The following STXBP5L variants were observed in gnomAD, a reference collection of about 807,000 sequenced individuals.
The protein encoded by STXBP5L is syntaxin binding protein 5L.
STXBP5L carries 65 observed loss-of-function variants against 144.5 expected under a neutral mutation model. The observed-to-expected ratio is 0.45, with a 90% CI of 0.37 to 0.55. The LOEUF (loss-of-function observed/expected upper bound fraction) is 0.55, where lower values mean the gene tolerates loss of function less well. Ranked by LOEUF, STXBP5L falls within the 20% of genes least tolerant of loss-of-function variation. The pLI is 0.00. For missense variants in STXBP5L, 1,298 were observed against 1,405.5 expected, an observed-to-expected ratio of 0.92 and a Z score of 1.22; for synonymous variants, 505 against 469.6, an observed-to-expected ratio of 1.08 and a Z score of -0.97.
chr3:121,314,751 T>C (rs964015765), intron 19 of STXBP5L, among the ~76,000 whole-genome samples: 38 of 152,222 alleles, frequency 2.5e-4, no homozygotes, highest in African/African-American at 9.1e-4. Flanking sequence ...AAAGGGCTAA[T>C]ATCCAGAATC....
At chr3:120,967,506 TG>T (rs1939741456) in intron 3 of STXBP5L, among the ~76,000 whole-genome samples, 1 of 152,236 alleles carries the variant, frequency 6.6e-6, no homozygotes, top group Non-Finnish European at 1.5e-5. Flanking sequence ...GTCTCTCTTT[TG>T]TTCTTACTCT....
intron 9 of STXBP5L, among the ~76,000 whole-genome samples, chr3:121,184,967 T>G (rs910136219): frequency 2.6e-5 from 4 of 152,134 alleles, no homozygotes; most frequent in African/African-American, 9.7e-5. Flanking sequence ...GCCAAATAGT[T>G]TCATAAGCAA....
intron 5 of STXBP5L, among the ~76,000 whole-genome samples, chr3:121,068,033 C>A (rs147100132): frequency 1.3e-5 from 2 of 152,152 alleles, no homozygotes; most frequent in Non-Finnish European, 2.9e-5. Flanking sequence ...TTTTTTGAGA[C>A]GGAGTCTCAC....
At chr3:121,023,159 A>AG (rs1945685309) in intron 3 of STXBP5L, among the ~76,000 whole-genome samples, 1 of 152,094 alleles carries the variant, frequency 6.6e-6, no homozygotes, top group Non-Finnish European at 1.5e-5. Flanking sequence ...TAGTTGCAAA[A>AG]AAAAAAATAC....
At chr3:120,984,632 C>CTTTTTTTTTTTTTTTTTTTTTTTTTCT (rs35656223) in intron 3 of STXBP5L, among the ~76,000 whole-genome samples, 2 of 71,960 alleles carry the variant, frequency 2.8e-5, no homozygotes, top group Non-Finnish European at 4.9e-5. Flanking sequence ...TCTTTCTTTC[C>CTTTTTTTTTTTTTTTTTTTTTTTTTCT]TTTTTTTTTT....
intron 22 of STXBP5L, among the ~76,000 whole-genome samples, chr3:121,397,197 G>A (rs942384009): frequency 5.9e-5 from 9 of 152,214 alleles, no homozygotes; most frequent in Non-Finnish European, 1.5e-5. Context: ...GCTCAGCTAA[G>A]GGGATAGTAA....
In STXBP5L at chr3:121,423,588, C is replaced by A. The variant is rs2047399165; in HGVS notation, c.*4491C>A. On this transcript the variant is annotated 3_prime_UTR_variant, in exon 27 of 27. Coordinates refer to ENST00000471454, the MANE Select transcript of STXBP5L (RefSeq NM_001308330.2). ...TTTATCTAGAGGAGTGATTCTCAAC[C>A]TTGACTGTACATAAGAATCACCTCA... 1 of 152,172 alleles carries A rather than the reference C, an allele frequency of 6.6e-6. No homozygotes were observed. The allele number at this position is 152,172 out of a possible 1,614,324, so 9.4% of individuals were successfully genotyped here. A position where few individuals can be genotyped will look rare whatever the true frequency, so the allele number is the denominator to read the frequency against.
At chr3:121,047,266 T>C (rs1342234556) in intron 5 of STXBP5L, among the ~76,000 whole-genome samples, 2 of 152,144 alleles carry the variant, frequency 1.3e-5, no homozygotes, top group African/African-American at 4.8e-5. Context: ...TTGTTTTATG[T>C]CCAATTGTGT....
chr3:121,383,771 A>T (rs974534110), intron 22 of STXBP5L, among the ~76,000 whole-genome samples: 20 of 152,076 alleles, frequency 1.3e-4, no homozygotes, highest in Non-Finnish European at 2.8e-4. Flanking sequence ...TTATTGACTA[A>T]CTGTCCCGGT....
chr3:120,991,750 G>A (rs530762135), intron 3 of STXBP5L, among the ~76,000 whole-genome samples: 9 of 145,332 alleles, frequency 6.2e-5, no homozygotes, highest in African/African-American at 2.2e-4. Context: ...TCATAGGTGG[G>A]AATTGAACAA....
chr3:121,050,454 T>G (rs1947880624), intron 5 of STXBP5L, among the ~76,000 whole-genome samples: 1 of 152,128 alleles, frequency 6.6e-6, no homozygotes, highest in African/African-American at 2.4e-5. Context: ...AAAAGAATTT[T>G]CAACCCAGAA....
intron 3 of STXBP5L, among the ~76,000 whole-genome samples, chr3:121,006,839 G>A (rs1456293318): frequency 6.6e-6 from 1 of 152,114 alleles, no homozygotes; most frequent in African/African-American, 2.4e-5. Context: ...GAAATTCTGG[G>A]TTGAAAATTA....
At chr3:121,037,020 G>T (rs985005885) in intron 3 of STXBP5L, among the ~76,000 whole-genome samples, 2 of 151,862 alleles carry the variant, frequency 1.3e-5, no homozygotes, top group Non-Finnish European at 2.9e-5. Context: ...TCAAACTCCT[G>T]GGCTCAGGCA....
chr3:121,350,467 G>T (rs1284979458), intron 20 of STXBP5L, among the ~76,000 whole-genome samples: 1 of 152,058 alleles, frequency 6.6e-6, no homozygotes, highest in African/African-American at 2.4e-5. Flanking sequence ...GAGTATCTTT[G>T]TGGTGTTCTC....
chr3:121,220,581 C>T (rs945693982), intron 10 of STXBP5L, among the ~76,000 whole-genome samples: 6 of 152,012 alleles, frequency 3.9e-5, no homozygotes, highest in African/African-American at 1.4e-4. Flanking sequence ...GGATTGCTTG[C>T]CATATGATTT....
chr3:121,246,267 T>C (rs2049849859), intron 14 of STXBP5L, among the ~76,000 whole-genome samples: 1 of 152,218 alleles, frequency 6.6e-6, no homozygotes, highest in African/African-American at 2.4e-5. Context: ...TAATGCCTGA[T>C]GATCTGAGGT....
At chr3:121,082,181 A>G (rs1337778733) in intron 5 of STXBP5L, among the ~76,000 whole-genome samples, 1 of 152,200 alleles carries the variant, frequency 6.6e-6, no homozygotes, top group Non-Finnish European at 1.5e-5. Context: ...TAGGAATTAC[A>G]TTAAATCTGT....
At chr3:121,028,952 C>G (rs13074222) in intron 3 of STXBP5L, among the ~76,000 whole-genome samples, 135 of 152,094 alleles carry the variant, frequency 8.9e-4, no homozygotes, top group Non-Finnish European at 1.8e-3. Context: ...GAATAAAATA[C>G]CTAGGAATAC....
At chr3:121,183,599 AAGAAAG>A (rs1298297238) in intron 9 of STXBP5L, among the ~76,000 whole-genome samples, 1 of 151,816 alleles carries the variant, frequency 6.6e-6, no homozygotes, top group Non-Finnish European at 1.5e-5. Context: ...GGAAGAAAGA[AAGAAAG>A]AGAAAGGAAA....
Sources: gnomAD v4.1 joint callset for allele counts (sites outside exome capture counted in the v4.1 genomes callset) on GRCh38, gnomAD v4.1.1 for gene constraint, MANE v1.5 for transcripts, NCBI Gene and HGNC (gene_info 2026-07-23, HGNC 2026-07-21) for gene names.